The following TG variants were observed in gnomAD, a reference collection of about 807,000 sequenced individuals.
TG encodes the protein thyroglobulin.
In TG, 270 loss-of-function variants were observed where a neutral mutation model predicts 324.7. That is an observed-to-expected ratio of 0.83 (90% CI 0.75 to 0.92). The LOEUF is 0.92. Among genes scored for constraint, TG ranks in the 40% least tolerant of loss-of-function variants. The pLI is 0.00. For synonymous variants in TG, 1,401 were observed against 1,327.0 expected, an observed-to-expected ratio of 1.06 and a Z score of -1.21; for missense variants, 3,591 against 3,456.4, an observed-to-expected ratio of 1.04 and a Z score of -0.98.
At chr8:132,917,906 A>G (rs867229128) in intron 20 of TG, among the ~76,000 whole-genome samples, 14 of 47,666 alleles carry the variant, frequency 2.9e-4, no homozygotes, top group Admixed American at 1.3e-3. Flanking sequence ...TTTTTTTTTT[A>G]ATTGCAAAAA....
chr8:133,092,182 G>A lies in TG; in HGVS notation c.7240-2862G>A, dbSNP rs148122551. Among the ~76,000 whole-genome samples, 296 of 152,266 alleles carry A rather than the reference G, an allele frequency of 1.9e-3. 1 individual carries two copies. Among genetic ancestry groups the A allele is most frequent in the African/African-American group, 6.8e-3 (283 of 41,556 alleles). On this transcript the variant is annotated intron_variant, in intron 41 of 47. Coordinates refer to ENST00000220616, the MANE Select transcript of TG (RefSeq NM_003235.5). ...TGGTACCAATAAACTCCTTGATTGC[G>A]TGAGTGTGTCTCCATCTGTGGTTGT...
In TG at chr8:133,094,972, A is replaced by C. The variant is rs762764450; in HGVS notation, c.7240-72A>C. 2,901 of 1,604,824 alleles carry C rather than the reference A, an allele frequency of 1.8e-3. 4 individuals are homozygous for C. Among genetic ancestry groups the C allele is most frequent in the South Asian group, 3.4e-3 (306 of 90,660 alleles). The stretch of plus-strand genomic sequence containing the variant: ...GAAGGATGCAGAACCCTGATGTGGC[A>C]CTGAGGACTCCAGGTGAGCAGGGGC... On this transcript the variant is annotated intron_variant, in intron 41 of 47. Coordinates refer to ENST00000220616, the MANE Select transcript of TG (RefSeq NM_003235.5).
At chr8:133,090,629 T>C (rs780858707) in intron 41 of TG, among the ~76,000 whole-genome samples, 3 of 152,228 alleles carry the variant, frequency 2.0e-5, no homozygotes, top group Non-Finnish European at 4.4e-5. Context: ...ACATTCCTAA[T>C]GATGAATACA....
At chr8:132,938,123 C>T (rs1454228320) in intron 25 of TG, among the ~76,000 whole-genome samples, 1 of 152,180 alleles carries the variant, frequency 6.6e-6, no homozygotes, top group East Asian at 1.9e-4. Context: ...TAAAATGGGA[C>T]TGTGTCACAA....
chr8:133,037,034 T>A (rs1177952159), intron 41 of TG: 1 of 152,206 alleles, frequency 6.6e-6, no homozygotes, highest in Non-Finnish European at 1.5e-5. Context: ...ATAAACACAC[T>A]AGAATCTATG....
chr8:132,962,507 A>G (rs564770158), intron 28 of TG, among the ~76,000 whole-genome samples: 1 of 152,306 alleles, frequency 6.6e-6, no homozygotes, highest in Admixed American at 6.5e-5. Flanking sequence ...GAAGTGCCTT[A>G]AGGCCTGCCT....
chr8:133,029,493 G>A (rs1229332855), intron 40 of TG, among the ~76,000 whole-genome samples: 1 of 152,178 alleles, frequency 6.6e-6, no homozygotes, highest in Non-Finnish European at 1.5e-5. Flanking sequence ...TCAAATCTGA[G>A]CAACTCCCCT....
In TG at chr8:133,076,467, G is replaced by C. The variant is rs776841331; in HGVS notation, c.7240-18577G>C. 5.3e-5 allele frequency among the ~76,000 whole-genome samples: 8 copies of C among 152,202 alleles called. No individual in the cohort carries two copies. The South Asian group carries it at 1.4e-3, about 28-fold the overall frequency. On this transcript the variant is annotated intron_variant, in intron 41 of 47. Coordinates refer to ENST00000220616, the MANE Select transcript of TG (RefSeq NM_003235.5). ...TTGTGAAAACACCCGCTCAAGAAGA[G>C]CATGCTGGGAAGGTACAAAGGAACT...
chr8:132,965,911 C>T (rs1411224891), intron 29 of TG, among the ~76,000 whole-genome samples: 1 of 152,132 alleles, frequency 6.6e-6, no homozygotes, highest in African/African-American at 2.4e-5. Context: ...AGAATCTGGA[C>T]TTATTTTCTG....
At position 132,911,544 on chromosome 8, in the gene TG, C is replaced by T. The variant is rs1819526849; in HGVS notation, c.4159+11C>T. ...ACTTACATGACATTGGTATGTTTTT[C>T]TGTGGTAGTACCTAGAATAAGCTAT... On this transcript the variant is annotated intron_variant, in intron 19 of 47. Coordinates refer to ENST00000220616, the MANE Select transcript of TG (RefSeq NM_003235.5). The T allele has an allele frequency of 1.2e-6, 2 of 1,605,628 alleles. No individual in the cohort carries two copies. Among genetic ancestry groups the T allele is most frequent in the African/African-American group, 2.7e-5 (2 of 74,714 alleles).
At chr8:132,925,516 C>CGCGTGTGTGTGTGT (rs1554670097) in intron 22 of TG, among the ~76,000 whole-genome samples, 1 of 144,732 alleles carries the variant, frequency 6.9e-6, no homozygotes, top group African/African-American at 2.6e-5. Context: ...CTAAGGAGTG[C>CGCGTGTGTGTGTGT]GTGTGTGTGT....
chr8:132,871,857 T>C (rs1316795740), intron 4 of TG, among the ~76,000 whole-genome samples: 3 of 152,184 alleles, frequency 2.0e-5, no homozygotes, highest in African/African-American at 7.2e-5. Context: ...AGCACAGCCA[T>C]GTGCTGCATA....
intron 32 of TG, 117 bp downstream of exon 32, chr8:132,969,686 G>C (rs1295201176): frequency 1.3e-6 from 1 of 778,720 alleles, no homozygotes; most frequent in African/African-American, 1.7e-5. Flanking sequence ...GCCGAGCTGG[G>C]CTGATCACGA....
At chr8:133,075,483 G>A (rs1844729439) in intron 41 of TG, among the ~76,000 whole-genome samples, 1 of 152,148 alleles carries the variant, frequency 6.6e-6, no homozygotes, top group Non-Finnish European at 1.5e-5. Context: ...ATTATGAGAT[G>A]GCAGTTGTTT....
At chr8:132,971,648 A>G (rs995108133) in intron 32 of TG, 146 bp from the exon 33 acceptor site, 1 of 692,642 alleles carries the variant, frequency 1.4e-6, no homozygotes, top group Non-Finnish European at 2.7e-6. Context: ...CCACTCATGC[A>G]TATTGACCAA....
At chr8:132,916,228 A>G (rs1197873376) in intron 20 of TG, among the ~76,000 whole-genome samples, 1 of 152,208 alleles carries the variant, frequency 6.6e-6, no homozygotes, top group Admixed American at 6.5e-5. Context: ...TACTTATTGC[A>G]TGGGGTAATA....
chr8:133,121,286 G>A (rs755639264), intron 45 of TG, among the ~76,000 whole-genome samples: 60 of 152,248 alleles, frequency 3.9e-4, no homozygotes, highest in African/African-American at 8.7e-4. Context: ...CTGAAGCACC[G>A]ATTCTTCACT....
chr8:132,885,073 G>T (rs187616013), intron 8 of TG, among the ~76,000 whole-genome samples: 140 of 149,510 alleles, frequency 9.4e-4, no homozygotes, highest in Non-Finnish European at 1.7e-3. Flanking sequence ...AAGGAAATTG[G>T]CTGACTTTCT....
rs139852375 is a variant in TG, at chr8:132,897,777, G to C, written c.3130G>C (p.Ala1044Pro). 1.2e-6 allele frequency: 2 copies of C among 1,614,074 alleles called. No homozygotes were observed. Among genetic ancestry groups the C allele is most frequent in the African/African-American group, 2.7e-5 (2 of 74,940 alleles). ...FGSWEPVQCHAGTGHCWCVDE... is the reference protein window; with the variant it reads ...FGSWEPVQCHPGTGHCWCVDE... ...AAGTTGGGAGCCTGTGCAGTGCCAC[G>C]CTGGGACTGGTAAGGAGGGATAGGC... The change falls in exon 12 of 48, where the codon GCT becomes CCT. Residue 1044 changes from alanine to proline, a missense_variant. By Grantham distance (27) the Ala-to-Pro change is conservative. Coordinates refer to ENST00000220616, the MANE Select transcript of TG (RefSeq NM_003235.5).
Sources: gnomAD v4.1 joint callset for allele counts (sites outside exome capture counted in the v4.1 genomes callset) on GRCh38, gnomAD v4.1.1 for gene constraint, MANE v1.5 for transcripts, NCBI Gene and HGNC (gene_info 2026-07-23, HGNC 2026-07-21) for gene names.